The following PCBP2 variants were observed in gnomAD, a reference collection of about 807,000 sequenced individuals.
PCBP2 encodes the protein poly(rC)-binding protein 2.
Under a neutral mutation model 50.1 loss-of-function variants are expected in PCBP2, and 4 were observed. That is an observed-to-expected ratio of 0.08 (90% CI 0.04 to 0.18). The LOEUF (loss-of-function observed/expected upper bound fraction) is 0.18. Among genes scored for constraint, PCBP2 ranks in the 10% least tolerant of loss-of-function variants. The pLI is 1.00. For missense variants in PCBP2, 161 were observed against 474.3 expected, an observed-to-expected ratio of 0.34 and a Z score of 6.14; for synonymous variants, 179 against 168.0, an observed-to-expected ratio of 1.07 and a Z score of -0.51.
intron 5 of PCBP2, 138 bp downstream of exon 5, chr12:53,456,139 C>T (rs1307167197): frequency 1.5e-5 from 10 of 659,760 alleles, no homozygotes; most frequent in Non-Finnish European, 2.7e-5. Flanking sequence ...TTCCTGTAGC[C>T]TCCCACAAAA....
intron 1 of PCBP2, chr12:53,453,213 T>G (rs892089177): frequency 6.6e-5 from 10 of 151,900 alleles, no homozygotes; most frequent in Admixed American, 2.0e-4. Context: ...TTTTGTTTTT[T>G]TTTTTTTTGC....
Position 53,480,942 on chromosome 12 carries a change from G to A in PCBP2, c.*1500G>A, listed in dbSNP as rs1162840115. The A allele has an allele frequency of 6.0e-6, 1 of 167,884 alleles. No homozygotes were observed. The highest frequency in any genetic ancestry group is 1.3e-5 in the Non-Finnish European group (1 of 79,778). The allele number at this position is 167,884 out of a possible 1,614,324, so 10.4% of individuals were successfully genotyped here. ...TTGCTGAATATAAGGAATGGGGTGG[G>A]GCAGGAAGGGGCTTGCCCTTAGCCA... is the stretch of plus-strand genomic sequence containing the variant. On this transcript the variant is annotated 3_prime_UTR_variant, in exon 15 of 15. Transcript: ENST00000546463.
At chr12:53,460,951 G>C (rs1941410023) in intron 6 of PCBP2, 64 bp from the exon 7 acceptor site, 2 of 1,569,524 alleles carry the variant, frequency 1.3e-6, no homozygotes, top group South Asian at 2.2e-5. Flanking sequence ...TGAAATTGCT[G>C]CTGGAGGAAT....
intron 5 of PCBP2, among the ~76,000 whole-genome samples, chr12:53,456,923 C>T (rs1484663030): frequency 7.3e-6 from 1 of 137,764 alleles, no homozygotes; most frequent in East Asian, 4.0e-4. Context: ...CTTATCTTTG[C>T]CAAGATTAGA....
At chr12:53,471,465 T>A (rs763679887) in intron 13 of PCBP2, among the ~76,000 whole-genome samples, 173 bp from the exon 14 acceptor site, 67 of 145,260 alleles carry the variant, frequency 4.6e-4, no homozygotes, top group Non-Finnish European at 4.2e-4. Flanking sequence ...GTAGTCCTGC[T>A]GAGGCAGGTG....
intron 9 of PCBP2, 119 bp from the exon 10 acceptor site, chr12:53,465,813 G>A: frequency 1.3e-6 from 1 of 767,224 alleles, no homozygotes; most frequent in Non-Finnish European, 2.3e-6. Context: ...CTCAATCTCT[G>A]GCCTCCCCCA....
At chr12:53,459,224 T>A (rs1941267428) in intron 5 of PCBP2, 48 bp from the exon 6 acceptor site, 1 of 1,524,228 alleles carries the variant, frequency 6.6e-7, no homozygotes, top group Admixed American at 2.0e-5. Flanking sequence ...TAATGGCAGT[T>A]ACTAGTTTCC....
In PCBP2 at chr12:53,479,670, G is replaced by GGTTTTTTTTTTTGTTT; in HGVS notation, c.*240_*241insGTTTGTTTTTTTTTTT. 7.1e-6 allele frequency: 2 copies of GGTTTTTTTTTTTGTTT among 282,572 alleles called. No individual in the cohort carries two copies. The highest frequency in any genetic ancestry group is 1.3e-5 in the Non-Finnish European group (2 of 153,384). 17.5% of individuals were successfully genotyped at this position (282,572 alleles called of 1,614,324 possible). A position where few individuals can be genotyped will look rare whatever the true frequency, so the allele number is the denominator to read the frequency against. ...TATTTAGTTTTATAAGCTTCTCCCTGGTTTTTTTTTTTTGGCTCATGAATT... is the reference window on the plus strand; with the variant it reads ...TATTTAGTTTTATAAGCTTCTCCCTGGTTTTTTTTTTTGTTTGTTTTTTTTTTTTGGCTCATGAATT... On this transcript the variant is annotated 3_prime_UTR_variant, in exon 15 of 15. Coordinates refer to ENST00000546463, the MANE Select transcript of PCBP2 (RefSeq NM_031989.5).
At chr12:53,479,327 C>A (rs1942892148) in intron 14 of PCBP2, 79 bp from the exon 15 acceptor site, 1 of 1,276,308 alleles carries the variant, frequency 7.8e-7, no homozygotes, top group Non-Finnish European at 1.1e-6. Flanking sequence ...ATTTACTCTT[C>A]ACATTTCATG....
At chr12:53,473,569 A>G (rs957647498) in intron 14 of PCBP2, among the ~76,000 whole-genome samples, 1 of 152,204 alleles carries the variant, frequency 6.6e-6, no homozygotes, top group Non-Finnish European at 1.5e-5. Context: ...CAGTGGCTAC[A>G]TTGTAAGGAA....
chr12:53,468,640 G>A, intron 12 of PCBP2, 137 bp from the exon 13 acceptor site: 1 of 699,996 alleles, frequency 1.4e-6, no homozygotes, highest in South Asian at 1.6e-5. Flanking sequence ...CTCTTTGGAG[G>A]CTTCCAAGTT....
intron 13 of PCBP2, 85 bp from the exon 14 acceptor site, chr12:53,471,547 CAGTCGT>C: frequency 2.5e-6 from 3 of 1,222,206 alleles, no homozygotes; most frequent in Non-Finnish European, 1.1e-6. Flanking sequence ...AGCCTGGCCA[CAGTCGT>C]AGGATTTGGG....
Position 53,455,874 on chromosome 12 carries a change from T to C in PCBP2, c.127-11T>C, listed in dbSNP as rs1228786930. 7 of 1,558,850 alleles carry C rather than the reference T, an allele frequency of 4.5e-6. No homozygotes were observed. The East Asian group carries it at 1.6e-4, about 35-fold the overall frequency. ...TGTTTTAACTTCTTTTGGATCTTGT[T>C]TCCTATCTAGAGTGGTGCACGTATC... is the stretch of plus-strand genomic sequence containing the variant. On this transcript the variant is annotated splice_polypyrimidine_tract_variant and intron_variant, in intron 4 of 14. Transcript: ENST00000546463.
chr12:53,468,448 A>G, intron 12 of PCBP2: 1 of 335,708 alleles, frequency 3.0e-6, no homozygotes, highest in Non-Finnish European at 5.5e-6. Flanking sequence ...AAAGGGGTAG[A>G]AGTACAGAAG....
chr12:53,470,378 CAAA>C lies in PCBP2; in HGVS notation c.883-1238_883-1236del, dbSNP rs754350790. ...GGCAACAGACCAAGACTCCGTCTCT[CAAA>C]AAAAAAAAAAAAAAAAAAAAAGTGT... On this transcript the variant is annotated intron_variant, in intron 13 of 14. Transcript: ENST00000546463. Among the ~76,000 whole-genome samples the C allele has an allele frequency of 3.2e-3, 152 of 47,356 alleles. 2 individuals carry two copies. The highest frequency in any genetic ancestry group is 0.016 in the Middle Eastern group (1 of 62). 31.1% of individuals were successfully genotyped at this position (47,356 alleles called of 152,430 possible).
intron 6 of PCBP2, chr12:53,460,376 C>A: frequency 2.5e-6 from 1 of 404,638 alleles, no homozygotes; most frequent in Non-Finnish European, 5.0e-6. Context: ...AACTCCTGAG[C>A]TTCCGATGAT....
At chr12:53,475,258 A>C (rs1314241102) in intron 14 of PCBP2, 4 of 422,600 alleles carry the variant, frequency 9.5e-6, no homozygotes, top group Non-Finnish European at 1.9e-5. Flanking sequence ...TATTTTGTTC[A>C]TTTTGTTTTC....
chr12:53,462,937 C>G lies in PCBP2; in HGVS notation c.579+370C>G, dbSNP rs908615110. On this transcript the variant is annotated intron_variant, in intron 8 of 14. Transcript: ENST00000546463. ...AAGAGTTGGACCTCTGAAGGAGATT[C>G]TGGATGGTGGTCTCAAAATTTGGGG... Among the ~76,000 whole-genome samples the G allele has an allele frequency of 2.0e-5, 3 of 152,158 alleles. No individual in the cohort carries two copies. In the East Asian group the frequency reaches 5.8e-4, roughly 29 times the overall value.
At chr12:53,474,822 C>T in intron 14 of PCBP2, 1 of 364,446 alleles carries the variant, frequency 2.7e-6, no homozygotes. Flanking sequence ...TTGTGGTCTT[C>T]CCTTCCACCC....
Sources: gnomAD v4.1 joint callset for allele counts (sites outside exome capture counted in the v4.1 genomes callset) on GRCh38, gnomAD v4.1.1 for gene constraint, MANE v1.5 for transcripts, NCBI Gene and HGNC (gene_info 2026-07-23, HGNC 2026-07-21) for gene names.